Variants in CRACDL observed in about 807,000 individuals in gnomAD.
CRACDL encodes CRACD like.
In CRACDL, 26 loss-of-function variants were observed where a neutral mutation model predicts 70.6. That is an observed-to-expected ratio of 0.37 (90% CI 0.27 to 0.51). CRACDL has a LOEUF of 0.51. CRACDL is among the 20% of genes least tolerant of loss of function. CRACDL has a pLI of 0.94. For synonymous variants in CRACDL, 618 were observed against 615.2 expected (o/e 1.00, Z -0.07); for missense variants, 1,283 against 1,376.9 (o/e 0.93, Z 1.08).
intron 5 of CRACDL, among the ~76,000 whole-genome samples, chr2:98,830,240 A>G (rs996851213): frequency 6.6e-6 from 1 of 152,242 alleles, no homozygotes; most frequent in Non-Finnish European, 1.5e-5. Context: ...AATTTGAAAA[A>G]TTATTCCATA....
chr2:98,861,831 C>A (rs972615966), intron 1 of CRACDL, among the ~76,000 whole-genome samples: 5 of 152,204 alleles, frequency 3.3e-5, no homozygotes, highest in Non-Finnish European at 7.3e-5. Context: ...CCCATCCCCC[C>A]ACTTCTCCAT....
chr2:98,834,897 T>C (rs1471357711), intron 3 of CRACDL, among the ~76,000 whole-genome samples: 1 of 152,152 alleles, frequency 6.6e-6, no homozygotes. Context: ...GATATCAAAT[T>C]GCACTCACTA....
intron 1 of CRACDL, among the ~76,000 whole-genome samples, chr2:98,877,921 G>A (rs193165343): frequency 6.6e-5 from 10 of 151,702 alleles, no homozygotes; most frequent in Non-Finnish European, 1.3e-4. Flanking sequence ...TTCATAGTAA[G>A]GAACTATAAT....
chr2:98,869,325 C>A, intron 1 of CRACDL: 2 of 1,184,522 alleles, frequency 1.7e-6, no homozygotes. Flanking sequence ...TCCTGTGCCC[C>A]GTGAGCTCCT....
chr2:98,800,432 T>G (rs1704025917), intron 7 of CRACDL, among the ~76,000 whole-genome samples: 1 of 151,276 alleles, frequency 6.6e-6, no homozygotes, highest in Admixed American at 6.6e-5. Context: ...ACTGTGGGGG[T>G]TTTAAACCAT....
chr2:98,795,077 A>ATATT, intron 9 of CRACDL, among the ~76,000 whole-genome samples: 2 of 58,494 alleles, frequency 3.4e-5, no homozygotes, highest in African/African-American at 1.3e-4. Context: ...ATATATATAT[A>ATATT]TTTTTTTTTT....
Position 98,838,137 on chromosome 2 carries a change from T to C in CRACDL, c.221A>G (p.Asp74Gly), listed in dbSNP as rs1269416533. ...IAIESGPVGY[D>G]SEDELEESRG... ...AACTTACTCCAGCTCATCCTCGGAG[T>C]CGTAGCCCACTGGCCCGGATTCGAT... is the stretch of plus-strand genomic sequence containing the variant. The change falls in exon 3 of 10, where the codon GAC becomes GGC. Residue 74 changes from aspartate (D) to glycine (G), a missense_variant. By Grantham distance (94) the Asp-to-Gly change is moderately conservative. This residue lies in a region of CRACDL where 362 missense variants were observed against 495.0 expected (regional missense o/e 0.73). Coordinates refer to ENST00000397899, the MANE Select transcript of CRACDL (RefSeq NM_207362.3). 1 of 1,602,036 alleles carries C rather than the reference T, an allele frequency of 6.2e-7. No homozygotes were observed. The highest frequency in any genetic ancestry group is 2.3e-5 in the East Asian group (1 of 44,340).
chr2:98,882,393 G>A (rs1274528002), intron 1 of CRACDL, among the ~76,000 whole-genome samples: 1 of 152,256 alleles, frequency 6.6e-6, no homozygotes, highest in African/African-American at 2.4e-5. Flanking sequence ...AAGAGTGGCT[G>A]TTTCAGGGAC....
chr2:98,886,614 T>C (rs1479892982), intron 1 of CRACDL, among the ~76,000 whole-genome samples: 3 of 152,232 alleles, frequency 2.0e-5, no homozygotes, highest in African/African-American at 7.2e-5. Context: ...TCAGCAAATA[T>C]TGGGAGGTTT....
At chr2:98,855,895 TA>T (rs1030229666) in intron 1 of CRACDL, among the ~76,000 whole-genome samples, 4 of 151,672 alleles carry the variant, frequency 2.6e-5, no homozygotes, top group Non-Finnish European at 4.4e-5. Flanking sequence ...GTTGGCACAA[TA>T]AAAAAATCAG....
chr2:98,930,287 C>G (rs551566080), intron 1 of CRACDL, among the ~76,000 whole-genome samples: 2 of 135,008 alleles, frequency 1.5e-5, no homozygotes, highest in African/African-American at 5.8e-5. Flanking sequence ...ACCACATCTC[C>G]GTCCCCACCC....
At chr2:98,833,161 G>A (rs1265655090) in intron 3 of CRACDL, among the ~76,000 whole-genome samples, 164 bp from the exon 4 acceptor site, 1 of 152,242 alleles carries the variant, frequency 6.6e-6, no homozygotes, top group African/African-American at 2.4e-5. Flanking sequence ...TCCACACGCT[G>A]TCAAATGCCA....
intron 1 of CRACDL, among the ~76,000 whole-genome samples, chr2:98,918,568 A>C (rs1708725087): frequency 7.9e-6 from 1 of 125,976 alleles, no homozygotes; most frequent in Non-Finnish European, 1.6e-5. Flanking sequence ...AAAAAAAAAG[A>C]GTTCCCTTTT....
At chr2:98,866,475 CTTTTTTT>C (rs1173322192) in intron 1 of CRACDL, among the ~76,000 whole-genome samples, 10 of 43,266 alleles carry the variant, frequency 2.3e-4, no homozygotes, top group African/African-American at 5.0e-4. Context: ...ATCACTTCTT[CTTTTTTT>C]TTTTTTTTTT....
rs1705192589 is a variant in CRACDL at position 98,823,660 on chromosome 2, AG to A, written c.736-124del. 2.5e-6 allele frequency: 3 copies of A among 1,222,208 alleles called. No individual in the cohort carries two copies. In the African/African-American group the frequency reaches 4.5e-5, roughly 18 times the overall value. 75.7% of individuals were successfully genotyped at this position (1,222,208 alleles called of 1,614,324 possible). On this transcript the variant is annotated intron_variant, in intron 6 of 9. Transcript: ENST00000397899. The surrounding 1 kb of genome is among the most constrained non-coding windows in gnomAD (Gnocchi z 4.0). The stretch of plus-strand genomic sequence containing the variant: ...AGCAGCACTATAAAGCTGGCACTTA[AG>A]TAGGCATGTACCCACGGGTGTCTTT...
chr2:98,840,260 T>G (rs1705968258), intron 2 of CRACDL, among the ~76,000 whole-genome samples: 1 of 152,188 alleles, frequency 6.6e-6, no homozygotes, highest in Non-Finnish European at 1.5e-5. Context: ...CTTCTTAGAC[T>G]TACGGGTTAT....
rs141209063 is a variant in CRACDL, at chr2:98,832,371, C to T, written c.517G>A (p.Val173Met). 2.2e-4 allele frequency: 355 copies of T among 1,614,216 alleles called. No individual in the cohort carries two copies. The East Asian group carries it at 6.5e-3, about 30-fold the overall frequency. Reference protein sequence around the residue: ...SPPEMSLLHDVGPGTTIKVSV... With the variant: ...SPPEMSLLHDMGPGTTIKVSV... ...GCCTTTATGGTGGTACCAGGACCCA[C>T]GTCGTGCAGCAGAGACATCTCTGGG... is the stretch of plus-strand genomic sequence containing the variant. Residue 173 changes from valine (V) to methionine (M), a missense_variant, in exon 5 of 10, where the codon GTG (valine) becomes ATG (methionine). This residue lies in a region of CRACDL where 362 missense variants were observed against 495.0 expected (regional missense o/e 0.73). Coordinates refer to ENST00000397899, the MANE Select transcript of CRACDL (RefSeq NM_207362.3).
intron 3 of CRACDL, among the ~76,000 whole-genome samples, chr2:98,834,041 T>C (rs2104504710): frequency 6.6e-6 from 1 of 152,322 alleles, no homozygotes; most frequent in Admixed American, 6.5e-5. Flanking sequence ...TGTCCTCACA[T>C]GCCAGGGAGG....
intron 1 of CRACDL, among the ~76,000 whole-genome samples, chr2:98,903,973 C>T (rs1390343241): frequency 6.6e-6 from 1 of 152,168 alleles, no homozygotes; most frequent in Admixed American, 6.5e-5. Flanking sequence ...CCTAGCTGCT[C>T]GGTGCCCAGA....
Sources: allele counts gnomAD v4.1 joint callset (sites outside exome capture counted in the v4.1 genomes callset), GRCh38; gene constraint gnomAD v4.1.1; regional missense constraint gnomAD v4.1.1; non-coding constraint Gnocchi (gnomAD v3.1); transcripts MANE v1.5; gene names NCBI Gene and HGNC (gene_info 2026-07-23, HGNC 2026-07-21).